The following TAFA5 variants were observed in gnomAD, a reference collection of about 807,000 sequenced individuals.
The protein encoded by TAFA5 is TAFA chemokine like family member 5.
In TAFA5, 6 loss-of-function variants were observed where a neutral mutation model predicts 15.3. The ratio of observed to expected loss-of-function variants is 0.39; its 90% CI spans 0.21 to 0.77. The LOEUF is 0.77. Ranked by LOEUF, TAFA5 falls within the 30% of genes least tolerant of loss-of-function variation. The pLI, the probability that TAFA5 is intolerant of heterozygous loss-of-function variation, is 0.41. For synonymous variants in TAFA5, 103 were observed against 80.7 expected, an observed-to-expected ratio of 1.28 and a Z score of -1.48; for missense variants, 161 against 193.1, an observed-to-expected ratio of 0.83 and a Z score of 0.98.
At chr22:48,579,974 TG>T (rs1408148054) in intron 1 of TAFA5, among the ~76,000 whole-genome samples, 2 of 152,160 alleles carry the variant, frequency 1.3e-5, no homozygotes, top group African/African-American at 4.8e-5. Context: ...ATCCTTTTGG[TG>T]GCAGGGGAGT....
intron 1 of TAFA5, among the ~76,000 whole-genome samples, chr22:48,509,391 T>C (rs867168732): frequency 2.6e-5 from 4 of 152,226 alleles, no homozygotes; most frequent in East Asian, 1.9e-4. Flanking sequence ...CTCCGTACTG[T>C]TGTCCACAAC....
chr22:48,532,084 G>T (rs1441783839), intron 1 of TAFA5, among the ~76,000 whole-genome samples: 1 of 152,206 alleles, frequency 6.6e-6, no homozygotes, highest in Non-Finnish European at 1.5e-5. Context: ...TGTGCACCCC[G>T]CCTGCCTCCT....
At chr22:48,749,132 G>T (rs1039475738) in intron 3 of TAFA5, among the ~76,000 whole-genome samples, 1 of 152,202 alleles carries the variant, frequency 6.6e-6, no homozygotes, top group Non-Finnish European at 1.5e-5. Context: ...AGGACGATGC[G>T]TCTCCCGGGC....
intron 2 of TAFA5, among the ~76,000 whole-genome samples, chr22:48,691,956 C>T (rs1159563634): frequency 6.6e-6 from 1 of 152,178 alleles, no homozygotes; most frequent in Admixed American, 6.5e-5. Flanking sequence ...CACTAGGTGC[C>T]CTGGAGGGCT....
Position 48,489,713 on chromosome 22 carries a change from CGCGCGGCCCCGGCCCCG to C in TAFA5, c.112+12_112+28del. The C allele has an allele frequency of 6.9e-7, 1 of 1,439,264 alleles. No individual in the cohort carries two copies. Among genetic ancestry groups the C allele is most frequent in the Non-Finnish European group, 9.2e-7 (1 of 1,085,114 alleles). 89.2% of individuals were successfully genotyped at this position (1,439,264 alleles called of 1,614,324 possible). A position where few individuals can be genotyped will look rare whatever the true frequency, so the allele number is the denominator to read the frequency against. On this transcript the variant is annotated intron_variant, in intron 1 of 3. Coordinates refer to ENST00000402357, the MANE Select transcript of TAFA5 (RefSeq NM_001082967.3). The surrounding 1 kb of genome is among the most constrained non-coding windows in gnomAD (Gnocchi z 5.5). Reference sequence around the variant, plus strand: ...GCTCATCGCCTACTGCAGTGAGTACCGCGCGGCCCCGGCCCCGGCACGGCCCTCTGGGCCCCGGACCC... The same window carrying C: ...GCTCATCGCCTACTGCAGTGAGTACCGCACGGCCCTCTGGGCCCCGGACCC...
chr22:48,728,803 GGC>G (rs1443497806), intron 3 of TAFA5, among the ~76,000 whole-genome samples: 1 of 152,132 alleles, frequency 6.6e-6, no homozygotes, highest in Non-Finnish European at 1.5e-5. Flanking sequence ...TAAAAAGAAA[GGC>G]ATGGAGTGTG....
At chr22:48,511,939 G>T (rs1331478018) in intron 1 of TAFA5, among the ~76,000 whole-genome samples, 1 of 152,248 alleles carries the variant, frequency 6.6e-6, no homozygotes, top group African/African-American at 2.4e-5. Context: ...GGAACGGTGC[G>T]CTCACTCACT....
intron 1 of TAFA5, among the ~76,000 whole-genome samples, chr22:48,592,082 G>C (rs1357541286): frequency 6.6e-6 from 1 of 152,192 alleles, no homozygotes; most frequent in Admixed American, 6.5e-5. Context: ...TCCCGAGGCT[G>C]GTGGGGCCAG....
intron 1 of TAFA5, among the ~76,000 whole-genome samples, chr22:48,615,128 G>A (rs73173452): frequency 0.038 from 5,727 of 152,180 alleles, 133 homozygotes; most frequent in South Asian, 0.14. Context: ...CACCATCCCC[G>A]TCCCTCCTGA....
rs77329082 is a variant in TAFA5, at chr22:48,549,806, C to T, written c.112+60102C>T. 0.016 allele frequency among the ~76,000 whole-genome samples: 2,404 copies of T among 152,290 alleles called. 99 individuals carry two copies. In the East Asian group the frequency reaches 0.17, roughly 10 times the overall value. The stretch of plus-strand genomic sequence containing the variant: ...CAACTGTGCACATTGAGGACAAGCA[C>T]GGGCCCCTGCCCAGGTCTGAGGACT... On this transcript the variant is annotated intron_variant, in intron 1 of 3. Transcript: ENST00000402357.
rs1211277706 is a variant in TAFA5 at position 48,566,898 on chromosome 22, C to T, written c.112+77194C>T. 6.6e-6 allele frequency among the ~76,000 whole-genome samples: 1 copy of T among 152,170 alleles called. No homozygotes were observed. Among genetic ancestry groups the T allele is most frequent in the Admixed American group, 6.5e-5 (1 of 15,288 alleles). The stretch of plus-strand genomic sequence containing the variant: ...CACCACTGTGGTTTCATGATTTACG[C>T]CTGGGGCCGTCAGTGGGTTGGGTTT... On this transcript the variant is annotated intron_variant, in intron 1 of 3. Transcript: ENST00000402357. The surrounding 1 kb of genome is among the most constrained non-coding windows in gnomAD (Gnocchi z 4.5).
intron 1 of TAFA5, among the ~76,000 whole-genome samples, chr22:48,533,419 AGGCCCTGGTGG>A (rs1186634896): frequency 6.6e-6 from 1 of 152,188 alleles, no homozygotes; most frequent in African/African-American, 2.4e-5. Flanking sequence ...ACTCCAGGGC[AGGCCCTGGTGG>A]GGCTCTCTCA....
chr22:48,710,575 G>T (rs1252797269), intron 3 of TAFA5, among the ~76,000 whole-genome samples: 1 of 152,214 alleles, frequency 6.6e-6, no homozygotes, highest in African/African-American at 2.4e-5. Context: ...GGTCTGCCTG[G>T]CCAGCATGGC....
intron 1 of TAFA5, among the ~76,000 whole-genome samples, chr22:48,511,498 GTC>G (rs1921208985): frequency 6.6e-6 from 1 of 152,222 alleles, no homozygotes; most frequent in African/African-American, 2.4e-5. Context: ...ATGTCCTTCA[GTC>G]AGCGCCACAC....
chr22:48,674,943 G>T, intron 2 of TAFA5, among the ~76,000 whole-genome samples: 1 of 145,336 alleles, frequency 6.9e-6, no homozygotes, highest in South Asian at 2.2e-4. Flanking sequence ...TGTCTGGCCA[G>T]TTTTTTTTTT....
chr22:48,646,477 G>C, intron 1 of TAFA5, 120 bp from the exon 2 acceptor site: 2 of 1,248,498 alleles, frequency 1.6e-6, no homozygotes, highest in Non-Finnish European at 2.2e-6. Context: ...TGAGTGAAGC[G>C]GTCTCCCTGC....
At chr22:48,600,758 C>T (rs1347746181) in intron 1 of TAFA5, among the ~76,000 whole-genome samples, 2 of 152,210 alleles carry the variant, frequency 1.3e-5, no homozygotes, top group African/African-American at 2.4e-5. Context: ...CATGGTCCCA[C>T]GCTGTTCCAC....
intron 1 of TAFA5, among the ~76,000 whole-genome samples, chr22:48,634,631 G>A (rs1012861573): frequency 2.0e-5 from 3 of 151,396 alleles, no homozygotes; most frequent in South Asian, 2.1e-4. Flanking sequence ...TGACACACTC[G>A]GTCATTTACT....
At chr22:48,576,630 C>G (rs1055758179) in intron 1 of TAFA5, 1 of 1,304,266 alleles carries the variant, frequency 7.7e-7, no homozygotes, top group Non-Finnish European at 9.9e-7. Context: ...CGCGGCGGCT[C>G]CGGCGCCCGA....
Sources: gnomAD v4.1 joint callset for allele counts (sites outside exome capture counted in the v4.1 genomes callset) on GRCh38, gnomAD v4.1.1 for gene constraint, Gnocchi (gnomAD v3.1) non-coding constraint, MANE v1.5 for transcripts, NCBI Gene and HGNC (gene_info 2026-07-23, HGNC 2026-07-21) for gene names.